The following VWA7 variants were observed in gnomAD, a reference collection of about 807,000 sequenced individuals.
VWA7 encodes von Willebrand factor A domain containing 7, also known as von Willebrand factor A domain-containing protein 7.
A neutral mutation model predicts 83.1 loss-of-function variants in VWA7; 66 were observed. That is an observed-to-expected ratio of 0.79 (90% CI 0.65 to 0.98). The LOEUF (loss-of-function observed/expected upper bound fraction) is 0.98, where lower values mean the gene tolerates loss of function less well. Among genes scored for constraint, VWA7 ranks in the 50% least tolerant of loss-of-function variants. The pLI, the probability that VWA7 is intolerant of heterozygous loss-of-function variation, is 0.00. For missense variants in VWA7, 1,080 were observed against 1,160.2 expected (o/e 0.93, Z 1.00); for synonymous variants, 424 against 488.5 (o/e 0.87, Z 1.74).
Position 31,769,733 on chromosome 6 carries a change from G to C in VWA7, c.1259C>G (p.Pro420Arg), listed in dbSNP as rs200733311. The change falls in exon 9 of 17, where the codon CCC (proline) becomes CGC (arginine). Residue 420 changes from proline (P) to arginine (R), a missense_variant. Transcript: ENST00000375688. The surrounding 1 kb of genome is among the most constrained non-coding windows in gnomAD (Gnocchi z 4.5). ...CTGGTTGGTGAGAAAGGCATCCTTG[G>C]GGGAGGCATCCGTGAAGACAAAGAT... ...SDIFVFTDAS[P>R]KDAFLTNQVE... 4 of 1,612,958 alleles carry C rather than the reference G, an allele frequency of 2.5e-6. No homozygotes were observed. The highest frequency in any genetic ancestry group is 3.4e-6 in the Non-Finnish European group (4 of 1,180,036).
chr6:31,773,159 C>T lies in VWA7; in HGVS notation c.918-36G>A. On this transcript the variant is annotated intron_variant, in intron 6 of 16. Coordinates refer to ENST00000375688, the MANE Select transcript of VWA7 (RefSeq NM_025258.3). The surrounding 1 kb of genome is among the most constrained non-coding windows in gnomAD (Gnocchi z 5.3). ...AGCCAGAGACACAGTGAAGGGCCTG[C>T]ACGTTTGTCCCCAGCGCCTGGTTTC... is the stretch of plus-strand genomic sequence containing the variant. 1 of 1,600,960 alleles carries T rather than the reference C, an allele frequency of 6.2e-7. No homozygotes were observed. Among genetic ancestry groups the T allele is most frequent in the African/African-American group, 1.3e-5 (1 of 74,748 alleles).
At position 31,769,724 on chromosome 6, in the gene VWA7, G is replaced by A. The variant is rs762158072; in HGVS notation, c.1268C>T (p.Ala423Val). 6.2e-7 allele frequency: 1 copy of A among 1,613,052 alleles called. No individual in the cohort carries two copies. The highest frequency in any genetic ancestry group is 1.1e-5 in the South Asian group (1 of 91,088). ...FVFTDASPKD[A>V]FLTNQVESLT... ...GGATTCCACCTGGTTGGTGAGAAAG[G>A]CATCCTTGGGGGAGGCATCCGTGAA... The change falls in exon 9 of 17, where the codon GCC becomes GTC. Residue 423 changes from alanine to valine, a missense_variant. Ala to Val is a moderately conservative substitution (Grantham distance 64, BLOSUM62 0). Transcript: ENST00000375688. The surrounding 1 kb of genome is among the most constrained non-coding windows in gnomAD (Gnocchi z 4.5).
chr6:31,771,011 C>CAAA (rs36055758), intron 7 of VWA7, among the ~76,000 whole-genome samples: 5 of 79,010 alleles, frequency 6.3e-5, no homozygotes, highest in African/African-American at 6.3e-5. Context: ...CTCTCTCTCT[C>CAAA]AAAAAAAAAA....
intron 10 of VWA7, among the ~76,000 whole-genome samples, chr6:31,768,615 G>A (rs1317275346): frequency 6.6e-6 from 1 of 152,168 alleles, no homozygotes; most frequent in Non-Finnish European, 1.5e-5. Flanking sequence ...AAGGTAGGCG[G>A]ATCACTTGCG....
chr6:31,776,520 G>C lies in VWA7; in HGVS notation c.234+26C>G. Reference sequence around the variant, plus strand: ...CATGGAATTGGGGACTCTGGCAGGGGTGTGACAGGACCCTGGGATGCTCAC... The same window carrying C: ...CATGGAATTGGGGACTCTGGCAGGGCTGTGACAGGACCCTGGGATGCTCAC... On this transcript the variant is annotated intron_variant, in intron 2 of 16. Transcript: ENST00000375688. This position sits in a 1 kb window ranked among gnomAD's most constrained non-coding sequence, Gnocchi z 6.2. 1 of 1,521,840 alleles carries C rather than the reference G, an allele frequency of 6.6e-7. No homozygotes were observed. Among genetic ancestry groups the C allele is most frequent in the African/African-American group, 1.4e-5 (1 of 72,418 alleles). The allele number at this position is 1,521,840 out of a possible 1,614,324, so 94.3% of individuals were successfully genotyped here.
In VWA7 at chr6:31,772,983, T is replaced by TAGACAGGCTCCATG; in HGVS notation, c.1057_1058insCATGGAGCCTGTCT (p.His353ProfsTer85). ...GTCATGAAAAGGCACCAGGACATAG[T>TAGACAGGCTCCATG]GGACAGGCTCCATGGGGCTGCCTCT... On this transcript the variant is annotated frameshift_variant, in exon 7 of 17. Transcript: ENST00000375688. LOFTEE classifies it high-confidence loss of function. The TAGACAGGCTCCATG allele has an allele frequency of 6.4e-7, 1 of 1,554,348 alleles. No individual in the cohort carries two copies. The highest frequency in any genetic ancestry group is 8.8e-7 in the Non-Finnish European group (1 of 1,137,852).
chr6:31,768,671 G>A (rs567645117), intron 10 of VWA7, among the ~76,000 whole-genome samples: 30 of 152,090 alleles, frequency 2.0e-4, no homozygotes, highest in Admixed American at 9.8e-4. Context: ...GTGAAACCCC[G>A]GCTCTACTAA....
At chr6:31,768,202 C>T (rs1193673552) in intron 10 of VWA7, among the ~76,000 whole-genome samples, 4 of 148,712 alleles carry the variant, frequency 2.7e-5, no homozygotes, top group African/African-American at 9.9e-5. Context: ...GTCAAACAGG[C>T]AGAAAGGGAT....
At chr6:31,774,031 G>A (rs768675204) in intron 5 of VWA7, among the ~76,000 whole-genome samples, 16 of 150,594 alleles carry the variant, frequency 1.1e-4, no homozygotes, top group Admixed American at 5.3e-4. Context: ...GCACATGCCC[G>A]TAATCCCAGC....
chr6:31,771,011 C>CAAAA (rs36055758), intron 7 of VWA7, among the ~76,000 whole-genome samples: 1 of 79,032 alleles, frequency 1.3e-5, no homozygotes, highest in African/African-American at 6.3e-5. Flanking sequence ...CTCTCTCTCT[C>CAAAA]AAAAAAAAAA....
chr6:31,775,298 G>A lies in VWA7; in HGVS notation c.610+35C>T, dbSNP rs1363384526. Reference sequence around the variant, plus strand: ...GCTGGGTGGACTGAGGTGGCCCTGTGGACTCCTGCCTCACCACCAGGGTCA... The same window carrying A: ...GCTGGGTGGACTGAGGTGGCCCTGTAGACTCCTGCCTCACCACCAGGGTCA... On this transcript the variant is annotated intron_variant, in intron 4 of 16. Transcript: ENST00000375688. The surrounding 1 kb of genome is among the most constrained non-coding windows in gnomAD (Gnocchi z 5.9). 6.4e-7 allele frequency: 1 copy of A among 1,572,230 alleles called. No individual in the cohort carries two copies. Among genetic ancestry groups the A allele is most frequent in the Non-Finnish European group, 8.7e-7 (1 of 1,151,418 alleles).
chr6:31,768,979 C>A, intron 10 of VWA7, 39 bp downstream of exon 10: 3 of 1,572,740 alleles, frequency 1.9e-6, no homozygotes, highest in Admixed American at 1.9e-5. Context: ...AGCCTGACCA[C>A]CCTTCAGTTC....
rs539946308 is a variant in VWA7, at chr6:31,767,844, G to C, written c.1504-90C>G. 3 of 1,468,710 alleles carry C rather than the reference G, an allele frequency of 2.0e-6. No homozygotes were observed. The East Asian group carries it at 7.0e-5, about 34-fold the overall frequency. 91.0% of individuals were successfully genotyped at this position (1,468,710 alleles called of 1,614,324 possible). On this transcript the variant is annotated intron_variant, in intron 10 of 16. Transcript: ENST00000375688. ...GAAAGGGGAGATAGAAAGAAACCAC[G>C]TCATTGGGCCGGGCGCAGTTGGTCA...
intron 10 of VWA7, 30 bp from the exon 11 acceptor site, chr6:31,767,784 G>A: frequency 6.3e-7 from 1 of 1,590,700 alleles, no homozygotes; most frequent in East Asian, 2.3e-5. Context: ...CAGAAAATGG[G>A]GAAGAAGATG....
At chr6:31,774,014 C>T (rs1177630024) in intron 5 of VWA7, among the ~76,000 whole-genome samples, 1 of 149,020 alleles carries the variant, frequency 6.7e-6, no homozygotes, top group Admixed American at 6.7e-5. Context: ...ATTAGCCGGG[C>T]GTGGTGGCAC....
At position 31,772,976 on chromosome 6, in the gene VWA7, G is replaced by A; in HGVS notation, c.1065C>T (p.Val355=). The A allele has an allele frequency of 6.2e-7, 1 of 1,612,332 alleles. No homozygotes were observed. Among genetic ancestry groups the A allele is most frequent in the Non-Finnish European group, 8.5e-7 (1 of 1,179,984 alleles). ...RGSPMEPVHY[V]LVPFHDPGFG... The stretch of plus-strand genomic sequence containing the variant: ...TACCTGGGTCATGAAAAGGCACCAG[G>A]ACATAGTGGACAGGCTCCATGGGGC... Residue 355 remains valine, a synonymous_variant, in exon 7 of 17, where the codon GTC becomes GTT. Coordinates refer to ENST00000375688, the MANE Select transcript of VWA7 (RefSeq NM_025258.3).
chr6:31,766,386 T>G lies in VWA7; in HGVS notation c.2185-2A>C. 1 of 1,595,494 alleles carries G rather than the reference T, an allele frequency of 6.3e-7. No homozygotes were observed. On this transcript the variant is annotated splice_acceptor_variant, in intron 14 of 16. Coordinates refer to ENST00000375688, the MANE Select transcript of VWA7 (RefSeq NM_025258.3). LOFTEE classifies it high-confidence loss of function. The surrounding 1 kb of genome is among the most constrained non-coding windows in gnomAD (Gnocchi z 4.9). Reference sequence around the variant, plus strand: ...CAAGAAACCCGAGGGGCCACTAAGCTGCAGAGAAGGGTTCTTCAGGGAAGG... The same window carrying G: ...CAAGAAACCCGAGGGGCCACTAAGCGGCAGAGAAGGGTTCTTCAGGGAAGG...
intron 10 of VWA7, 111 bp from the exon 11 acceptor site, chr6:31,767,865 G>T: frequency 1.5e-6 from 2 of 1,294,104 alleles, no homozygotes; most frequent in South Asian, 1.5e-5. Context: ...GGGCGCAGTT[G>T]GTCACGCCTG....
intron 5 of VWA7, among the ~76,000 whole-genome samples, chr6:31,774,215 G>A (rs1431793445): frequency 6.6e-6 from 1 of 150,970 alleles, no homozygotes; most frequent in African/African-American, 2.4e-5. Context: ...GAATTCTGGA[G>A]TAAATCTTAG....
Sources: allele counts gnomAD v4.1 joint callset (sites outside exome capture counted in the v4.1 genomes callset), GRCh38; gene constraint gnomAD v4.1.1; non-coding constraint Gnocchi (gnomAD v3.1); transcripts MANE v1.5; gene names NCBI Gene and HGNC (gene_info 2026-07-23, HGNC 2026-07-21).